The following CALN1 variants were observed in gnomAD, a reference collection of about 807,000 sequenced individuals.
CALN1 encodes the protein calcium-binding protein 8.
A neutral mutation model predicts 30.6 loss-of-function variants in CALN1; 17 were observed. The ratio of observed to expected loss-of-function variants is 0.56; its 90% CI spans 0.38 to 0.83. The LOEUF (loss-of-function observed/expected upper bound fraction) is 0.83, where lower values mean the gene tolerates loss of function less well. Ranked by LOEUF, CALN1 falls within the 40% of genes least tolerant of loss-of-function variation. The pLI is 0.00. For synonymous variants in CALN1, 156 were observed against 131.4 expected (o/e 1.19, Z -1.28); for missense variants, 291 against 354.9 (o/e 0.82, Z 1.45).
intron 3 of CALN1, among the ~76,000 whole-genome samples, chr7:72,181,919 C>T (rs1373631120): frequency 1.3e-5 from 2 of 152,160 alleles, no homozygotes; most frequent in Non-Finnish European, 2.9e-5. Context: ...CAGCACTATC[C>T]AAAGTAACTG....
rs1585398200 is a variant in CALN1, at chr7:72,296,769, C to T, written c.120-17959G>A. Reference sequence around the variant, plus strand: ...CTTCTCTCTTTTTTTATTAGTCTTGCTAGCGGTCTATCAATTTTGTTGATC... The same window carrying T: ...CTTCTCTCTTTTTTTATTAGTCTTGTTAGCGGTCTATCAATTTTGTTGATC... On this transcript the variant is annotated intron_variant, in intron 2 of 6. Coordinates refer to ENST00000395275, the MANE Select transcript of CALN1 (RefSeq NM_031468.4). Among the ~76,000 whole-genome samples the T allele has an allele frequency of 3.3e-5, 5 of 150,792 alleles. No homozygotes were observed. In the South Asian group the frequency reaches 1.1e-3, roughly 32 times the overall value.
At chr7:71,873,275 T>TG (rs1051409588) in intron 5 of CALN1, among the ~76,000 whole-genome samples, 1 of 152,114 alleles carries the variant, frequency 6.6e-6, no homozygotes, top group Admixed American at 6.5e-5. Flanking sequence ...CCCAAAGTGC[T>TG]GGGATTACAG....
chr7:71,992,732 C>T (rs181242431), intron 5 of CALN1, among the ~76,000 whole-genome samples: 1 of 152,262 alleles, frequency 6.6e-6, no homozygotes, highest in East Asian at 1.9e-4. Flanking sequence ...GCTATTCTTA[C>T]CTTTGGGCTG....
At chr7:72,022,216 CTTCCA>C (rs1468035706) in intron 5 of CALN1, among the ~76,000 whole-genome samples, 1 of 152,190 alleles carries the variant, frequency 6.6e-6, no homozygotes, top group African/African-American at 2.4e-5. Flanking sequence ...CTTTCTTGCC[CTTCCA>C]TTCATCTATT....
intron 5 of CALN1, among the ~76,000 whole-genome samples, chr7:71,914,290 T>A (rs1304327350): frequency 6.6e-6 from 1 of 152,174 alleles, no homozygotes; most frequent in Non-Finnish European, 1.5e-5. Context: ...CACTTATAAG[T>A]AAGAACATGC....
chr7:72,255,109 G>A (rs548485877), intron 3 of CALN1, among the ~76,000 whole-genome samples: 7 of 149,570 alleles, frequency 4.7e-5, no homozygotes, highest in Non-Finnish European at 7.4e-5. Context: ...CTTTTGAGAC[G>A]GAATCTCTCT....
At chr7:71,930,956 C>A (rs1795519443) in intron 5 of CALN1, among the ~76,000 whole-genome samples, 1 of 152,142 alleles carries the variant, frequency 6.6e-6, no homozygotes, top group South Asian at 2.1e-4. Flanking sequence ...GTACATGTTT[C>A]TAGACAGAGG....
intron 3 of CALN1, among the ~76,000 whole-genome samples, chr7:72,138,647 C>T (rs1809672238): frequency 6.6e-6 from 1 of 152,124 alleles, no homozygotes; most frequent in Non-Finnish European, 1.5e-5. Flanking sequence ...GCCTGCCATC[C>T]CATTCAACAA....
At chr7:71,956,821 T>C (rs1796984119) in intron 5 of CALN1, among the ~76,000 whole-genome samples, 1 of 152,138 alleles carries the variant, frequency 6.6e-6, no homozygotes, top group African/African-American at 2.4e-5. Context: ...CTCAGCCTCC[T>C]GAGAATCTGG....
chr7:72,083,373 T>C (rs146089562), intron 4 of CALN1, among the ~76,000 whole-genome samples: 1,526 of 151,826 alleles, frequency 0.01, 33 homozygotes, highest in African/African-American at 0.034. Context: ...TGAGCAGAGA[T>C]ATGGAAATTA....
Position 72,144,343 on chromosome 7 carries a change from AC to A in CALN1, c.245-38050del, listed in dbSNP as rs778536956. Among the ~76,000 whole-genome samples, 21 of 152,366 alleles carry A rather than the reference AC, an allele frequency of 1.4e-4. No individual in the cohort carries two copies. The Middle Eastern group carries it at 0.01, about 74-fold the overall frequency. ...TTGCAATCCTAGTCTCTGATAAAAGACTTTAAACCAACAAAGATTAAAAGAG... is the reference window on the plus strand; with the variant it reads ...TTGCAATCCTAGTCTCTGATAAAAGATTTAAACCAACAAAGATTAAAAGAG... On this transcript the variant is annotated intron_variant, in intron 3 of 6. Coordinates refer to ENST00000395275, the MANE Select transcript of CALN1 (RefSeq NM_031468.4).
rs142930510 is a variant in CALN1 at position 72,179,739 on chromosome 7, CCT to C, written c.245-73447_245-73446del. Among the ~76,000 whole-genome samples, 363 of 152,180 alleles carry C rather than the reference CCT, an allele frequency of 2.4e-3. 1 individual carries two copies. The highest frequency in any genetic ancestry group is 8.5e-3 in the East Asian group (44 of 5,174). On this transcript the variant is annotated intron_variant, in intron 3 of 6. Transcript: ENST00000395275. ...GCCACATTTGCTTCATCTTTTTCCC[CCT>C]TTCTTGCTAAAATATTTTAAAGCAC... is the stretch of plus-strand genomic sequence containing the variant.
chr7:72,297,313 A>G (rs2129555369), intron 2 of CALN1, among the ~76,000 whole-genome samples: 1 of 152,306 alleles, frequency 6.6e-6, no homozygotes, highest in East Asian at 1.9e-4. Flanking sequence ...TTAAGAAAAT[A>G]GGAAAAAAAG....
At chr7:72,338,470 AGTGTGTGTGT>A (rs56695086) in intron 2 of CALN1, among the ~76,000 whole-genome samples, 1,297 of 74,784 alleles carry the variant, frequency 0.017, 34 homozygotes, top group South Asian at 0.038. Context: ...CCAGCAGCAC[AGTGTGTGTGT>A]GTGTGTGTGT....
At chr7:72,312,402 A>AAG (rs1800115790) in intron 2 of CALN1, among the ~76,000 whole-genome samples, 1 of 151,432 alleles carries the variant, frequency 6.6e-6, no homozygotes, top group East Asian at 1.9e-4. Flanking sequence ...CAGAAAAAAA[A>AAG]AAAAAAAAAA....
intron 3 of CALN1, among the ~76,000 whole-genome samples, chr7:72,266,087 A>C (rs1796576170): frequency 6.6e-6 from 1 of 151,892 alleles, no homozygotes; most frequent in Non-Finnish European, 1.5e-5. Flanking sequence ...TGAGCAGTGA[A>C]GGCACCACCA....
At chr7:72,380,692 T>C (rs570912177) in intron 2 of CALN1, among the ~76,000 whole-genome samples, 2 of 150,008 alleles carry the variant, frequency 1.3e-5, no homozygotes, top group South Asian at 2.1e-4. Flanking sequence ...GATGGATGGA[T>C]ACATACATTA....
chr7:71,941,089 G>A (rs897554489), intron 5 of CALN1, among the ~76,000 whole-genome samples: 7 of 152,076 alleles, frequency 4.6e-5, no homozygotes, highest in Non-Finnish European at 1.0e-4. Context: ...GCTCACGACT[G>A]TAATCCCAGC....
upstream of CALN1, among the ~76,000 whole-genome samples, chr7:72,416,734 CAAAAAAAAAAAAAA>C (rs4029798): frequency 3.9e-5 from 3 of 77,690 alleles, no homozygotes; most frequent in African/African-American, 1.0e-4. Flanking sequence ...GACTCTGTCT[CAAAAAAAAAAAAAA>C]AAAAAAAAAA....
Sources: allele counts gnomAD v4.1 joint callset (sites outside exome capture counted in the v4.1 genomes callset), GRCh38; gene constraint gnomAD v4.1.1; transcripts MANE v1.5; gene names NCBI Gene and HGNC (gene_info 2026-07-23, HGNC 2026-07-21).